Variants in LENG8 observed in about 807,000 individuals in gnomAD.
LENG8 encodes the protein leukocyte receptor cluster member 8, also known as leukocyte receptor cluster (LRC) member 8.
LENG8 carries 28 observed loss-of-function variants against 102.1 expected under a neutral mutation model. The observed-to-expected ratio is 0.27, with a 90% CI of 0.20 to 0.38. The LOEUF (loss-of-function observed/expected upper bound fraction) is 0.38. Ranked by LOEUF, LENG8 falls within the 10% of genes least tolerant of loss-of-function variation. The pLI, the probability that LENG8 is intolerant of heterozygous loss-of-function variation, is 1.00. For synonymous variants in LENG8, 531 were observed against 456.7 expected (o/e 1.16, Z -2.07); for missense variants, 1,022 against 1,113.9 (o/e 0.92, Z 1.17).
In LENG8 at chr19:54,461,330, C is replaced by A; in HGVS notation, c.*402C>A. 1 of 461,288 alleles carries A rather than the reference C, an allele frequency of 2.2e-6. No individual in the cohort carries two copies. The highest frequency in any genetic ancestry group is 4.3e-6 in the Non-Finnish European group (1 of 231,876). The allele number at this position is 461,288 out of a possible 1,614,324, so 28.6% of individuals were successfully genotyped here. Reference sequence around the variant, plus strand: ...TGGAAAGAAGACAGGCCGTCCAGCCCGTGCCCGCCTGCGGCGGGGGCACCC... The same window carrying A: ...TGGAAAGAAGACAGGCCGTCCAGCCAGTGCCCGCCTGCGGCGGGGGCACCC... On this transcript the variant is annotated 3_prime_UTR_variant, in exon 16 of 16. Transcript: ENST00000326764.
chr19:54,456,732 C>T lies in LENG8; in HGVS notation c.1542C>T (p.Ala514=), dbSNP rs1335494049. ...AGCTGAAGAAGCAGAAGCGGGCAGC[C>T]CGCTTCCAGCACGGACACTCCCGCC... ...ERELKKQKRA[A]RFQHGHSRRL... Residue 514 remains alanine, a synonymous_variant, in exon 11 of 16, where the codon GCC becomes GCT. Coordinates refer to ENST00000326764, the MANE Select transcript of LENG8 (RefSeq NM_052925.4). 6.2e-7 allele frequency: 1 copy of T among 1,612,620 alleles called. No individual in the cohort carries two copies.
At chr19:54,459,059 CCTT>C in intron 15 of LENG8, 1 of 1,409,552 alleles carries the variant, frequency 7.1e-7, no homozygotes, top group South Asian at 1.7e-5. Flanking sequence ...CCTGCAGTGT[CCTT>C]CGTTCACTAG....
intron 15 of LENG8, 47 bp from the exon 16 acceptor site, chr19:54,460,719 G>GGCCCAA: frequency 9.0e-6 from 7 of 778,910 alleles, no homozygotes; most frequent in Non-Finnish European, 1.3e-5. Flanking sequence ...GCCCTCCCCT[G>GGCCCAA]CCCTCCCGCC....
rs532845900 is a variant in LENG8 at position 54,455,022 on chromosome 19, G to T, written c.751G>T (p.Gly251Cys). The T allele has an allele frequency of 6.2e-7, 1 of 1,614,148 alleles. No individual in the cohort carries two copies. The highest frequency in any genetic ancestry group is 1.3e-5 in the African/African-American group (1 of 75,022). The change falls in exon 7 of 16, where the codon GGC (glycine) becomes TGC (cysteine). Residue 251 changes from glycine (G) to cysteine (C), a missense_variant. Gly to Cys is a radical substitution (Grantham distance 159). Transcript: ENST00000326764. ...RPFAVTTQSFGSNAEGQHSGF... is the reference protein window; with the variant it reads ...RPFAVTTQSFCSNAEGQHSGF... Reference sequence around the variant, plus strand: ...CTTTGCTGTTACCACCCAGAGCTTTGGCTCCAACGCAGAGGGCCAGCACAG... The same window carrying T: ...CTTTGCTGTTACCACCCAGAGCTTTTGCTCCAACGCAGAGGGCCAGCACAG...
At chr19:54,454,734 C>T (rs1599971263) in intron 6 of LENG8, 52 bp downstream of exon 6, 2 of 1,524,784 alleles carry the variant, frequency 1.3e-6, no homozygotes, top group East Asian at 4.6e-5. Flanking sequence ...CTCATAAGAG[C>T]TCCTGGGTGT....
chr19:54,458,635 G>T lies in LENG8; in HGVS notation c.2240+114G>T, dbSNP rs760421719. Reference sequence around the variant, plus strand: ...CCCCCAGCCCCCAACCCTTGTCCTGGTCCTTGCTTCCCCATCATCTTTCTC... The same window carrying T: ...CCCCCAGCCCCCAACCCTTGTCCTGTTCCTTGCTTCCCCATCATCTTTCTC... On this transcript the variant is annotated intron_variant, in intron 15 of 15. Coordinates refer to ENST00000326764, the MANE Select transcript of LENG8 (RefSeq NM_052925.4). 3.2e-6 allele frequency: 5 copies of T among 1,560,474 alleles called. 1 individual carries two copies. In the South Asian group the frequency reaches 5.9e-5, roughly 18 times the overall value.
rs780939017 is a variant in LENG8 at position 54,456,488 on chromosome 19, C to CA, written c.1445+24dup. 6 of 1,588,694 alleles carry CA rather than the reference C, an allele frequency of 3.8e-6. No individual in the cohort carries two copies. In the Admixed American group the frequency reaches 1.0e-4, roughly 28 times the overall value. ...GAGGTGAGACTGTGTGAGGGCTCGA[C>CA]ACACGGGCCAGGGTGGAGGAGGGTA... On this transcript the variant is annotated intron_variant, in intron 10 of 15. Coordinates refer to ENST00000326764, the MANE Select transcript of LENG8 (RefSeq NM_052925.4).
rs1415188904 is a variant in LENG8, at chr19:54,452,748, C to G, written c.311C>G (p.Pro104Arg). 3 of 1,610,526 alleles carry G rather than the reference C, an allele frequency of 1.9e-6. No homozygotes were observed. Among genetic ancestry groups the G allele is most frequent in the Non-Finnish European group, 1.7e-6 (2 of 1,176,950 alleles). The change falls in exon 4 of 16, where the codon CCC becomes CGC. Residue 104 changes from proline to arginine, a missense_variant. Pro to Arg is a moderately radical substitution (Grantham distance 103). Coordinates refer to ENST00000326764, the MANE Select transcript of LENG8 (RefSeq NM_052925.4). ...GCCTACCCCTACAGCTACTACTATC[C>G]CATGGTGAGTGCCCAGCCAGTGGGG... ...NYAYPYSYYY[P>R]MSMYQSYGSP...
At chr19:54,458,764 C>A in intron 15 of LENG8, 1 of 1,551,314 alleles carries the variant, frequency 6.4e-7, no homozygotes, top group East Asian at 2.4e-5. Context: ...CTCACTGCCT[C>A]TGGGGCCTCT....
At position 54,456,656 on chromosome 19, in the gene LENG8, A is replaced by G. The variant is rs1301771415; in HGVS notation, c.1466A>G (p.Lys489Arg). Residue 489 changes from lysine (K) to arginine (R), a missense_variant, in exon 11 of 16, where the codon AAG becomes AGG. Physicochemically the swap from Lys to Arg is conservative, Grantham distance 26. This residue lies in a region of LENG8 where 326 missense variants were observed against 324.5 expected (regional missense o/e 1.00). Transcript: ENST00000326764. ...RGKRHDLAPT[K>R]RSRKKMAALE... ...CCTAGGCACGATCTGGCGCCCACCA[A>G]GCGCAGTCGAAAGAAGATGGCGGCG... 5.6e-6 allele frequency: 9 copies of G among 1,612,270 alleles called. No homozygotes were observed. In the South Asian group the frequency reaches 6.6e-5, roughly 12 times the overall value.
chr19:54,455,412 C>T lies in LENG8; in HGVS notation c.870C>T (p.Pro290=), dbSNP rs2084174345. The T allele has an allele frequency of 6.2e-7, 1 of 1,614,210 alleles. No individual in the cohort carries two copies. Among genetic ancestry groups the T allele is most frequent in the Non-Finnish European group, 8.5e-7 (1 of 1,180,044 alleles). The change falls in exon 8 of 16, where the codon CCC becomes CCT. Residue 290 remains proline, a synonymous_variant. Coordinates refer to ENST00000326764, the MANE Select transcript of LENG8 (RefSeq NM_052925.4). ...TGTCTGGGAAGCCGGATGACTGGCC[C>T]CAGGACATGAAAGAGTATGTGGAGC... is the stretch of plus-strand genomic sequence containing the variant. ...GNLSGKPDDW[P]QDMKEYVERC... is the part of the protein sequence containing the mutation.
chr19:54,459,690 C>A, intron 15 of LENG8: 1 of 1,022,950 alleles, frequency 9.8e-7, no homozygotes, highest in Non-Finnish European at 1.2e-6. Context: ...GAGGGACTGT[C>A]AGCCTGGAGG....
rs762526070 is a variant in LENG8 at position 54,453,594 on chromosome 19, T to C, written c.364T>C (p.Ser122Pro). 6.2e-7 allele frequency: 1 copy of C among 1,613,876 alleles called. No homozygotes were observed. Among genetic ancestry groups the C allele is most frequent in the Non-Finnish European group, 8.5e-7 (1 of 1,179,966 alleles). Residue 122 changes from serine (S) to proline (P), a missense_variant, in exon 5 of 16, where the codon TCC becomes CCC. Around this residue, in one of 7 missense-constraint regions of LENG8, gnomAD observed 343 missense variants for 320.2 expected, o/e 1.07. Transcript: ENST00000326764. ...GSPSQYGMAG[S>P]YGSATPQQPS... ...CCCTTCCCAGTATGGGATGGCCGGCTCCTATGGCTCAGCCACACCCCAGCA... is the reference window on the plus strand; with the variant it reads ...CCCTTCCCAGTATGGGATGGCCGGCCCCTATGGCTCAGCCACACCCCAGCA...
chr19:54,455,952 C>T lies in LENG8; in HGVS notation c.1026-15C>T, dbSNP rs2123132843. ...CTGGCGGGGTTGGTGACGCCCTGCCCTGCTGTATTCTCAGGCTGACCCGGG... is the reference window on the plus strand; with the variant it reads ...CTGGCGGGGTTGGTGACGCCCTGCCTTGCTGTATTCTCAGGCTGACCCGGG... On this transcript the variant is annotated splice_polypyrimidine_tract_variant and intron_variant, in intron 8 of 15. Transcript: ENST00000326764. 6.2e-7 allele frequency: 1 copy of T among 1,608,326 alleles called. No individual in the cohort carries two copies. Among genetic ancestry groups the T allele is most frequent in the South Asian group, 1.1e-5 (1 of 90,592 alleles).
rs764934510 is a variant in LENG8, at chr19:54,461,298, G to C, written c.*370G>C. On this transcript the variant is annotated 3_prime_UTR_variant, in exon 16 of 16. Transcript: ENST00000326764. ...GCGCCCTGGCCCATCCCATGCCGGGGGGCCAGTGGAAAGAAGACAGGCCGT... is the reference window on the plus strand; with the variant it reads ...GCGCCCTGGCCCATCCCATGCCGGGCGGCCAGTGGAAAGAAGACAGGCCGT... 4.3e-6 allele frequency: 2 copies of C among 467,124 alleles called. No homozygotes were observed. Among genetic ancestry groups the C allele is most frequent in the Non-Finnish European group, 4.2e-6 (1 of 237,228 alleles). 28.9% of individuals were successfully genotyped at this position (467,124 alleles called of 1,614,324 possible).
chr19:54,449,647 CG>C (rs1158944981), intron 1 of LENG8: 3 of 152,272 alleles, frequency 2.0e-5, no homozygotes, highest in Non-Finnish European at 4.4e-5. Context: ...TGCGCAGGCG[CG>C]GCCTGGGCAG....
At position 54,458,860 on chromosome 19, in the gene LENG8, C is replaced by T. The variant is rs1343723374; in HGVS notation, c.2240+339C>T. 14 of 1,550,384 alleles carry T rather than the reference C, an allele frequency of 9.0e-6. No individual in the cohort carries two copies. The East Asian group carries it at 2.2e-4, about 24-fold the overall frequency. Reference sequence around the variant, plus strand: ...CTCCTTGCCCTGGGCTTCCTCAGAACCCTGAGGTCTCTGCTTTCTCAGCTT... The same window carrying T: ...CTCCTTGCCCTGGGCTTCCTCAGAATCCTGAGGTCTCTGCTTTCTCAGCTT... On this transcript the variant is annotated intron_variant, in intron 15 of 15. Transcript: ENST00000326764.
Position 54,454,583 on chromosome 19 carries a change from AGCCAGGCGGGGCCCGCCACGG to A in LENG8, c.588_608del (p.Gly197_Ala203del). ...TGGGACAGCTCCAGCCACACAGCAC[AGCCAGGCGGGGCCCGCCACGG>A]GCCAGGCCTATGGGCCACACACCTA... On this transcript the variant is annotated inframe_deletion, in exon 6 of 16. Transcript: ENST00000326764. 6.2e-7 allele frequency: 1 copy of A among 1,605,588 alleles called. No homozygotes were observed. The highest frequency in any genetic ancestry group is 8.5e-7 in the Non-Finnish European group (1 of 1,177,692).
In LENG8 at chr19:54,454,566, C is replaced by A; in HGVS notation, c.563C>A (p.Ala188Asp). Residue 188 changes from alanine to aspartate, a missense_variant, in exon 6 of 16, where the codon GCT becomes GAT. Transcript: ENST00000326764. ...AACAGTGGCCCTCAGCCTGGGACAG[C>A]TCCAGCCACACAGCACAGCCAGGCG... Reference protein sequence around the residue: ...TLNSGPQPGTAPATQHSQAGP... With the variant: ...TLNSGPQPGTDPATQHSQAGP... 6.2e-7 allele frequency: 1 copy of A among 1,612,082 alleles called. No individual in the cohort carries two copies. The highest frequency in any genetic ancestry group is 8.5e-7 in the Non-Finnish European group (1 of 1,179,544).
Sources: gnomAD v4.1 joint callset for allele counts on GRCh38, gnomAD v4.1.1 for gene constraint, gnomAD v4.1.1 regional missense constraint, MANE v1.5 for transcripts, NCBI Gene and HGNC (gene_info 2026-07-23, HGNC 2026-07-21) for gene names.